The following DNAH17 variants were observed in gnomAD, a reference collection of about 807,000 sequenced individuals.
DNAH17 encodes the protein axonemal beta dynein heavy chain 17.
Under a neutral mutation model 485.6 loss-of-function variants are expected in DNAH17, and 376 were observed. The ratio of observed to expected loss-of-function variants is 0.77; its 90% CI spans 0.71 to 0.84. The LOEUF is 0.84. Among genes scored for constraint, DNAH17 ranks in the 40% least tolerant of loss-of-function variants. The probability of loss-of-function intolerance (pLI) is 0.00; values close to 1 mark genes in which losing one functional copy is unlikely to be tolerated. For missense variants in DNAH17, 6,370 were observed against 5,839.3 expected (o/e 1.09, Z -2.96); for synonymous variants, 3,031 against 2,405.9 (o/e 1.26, Z -7.60).
chr17:78,530,961 G>A lies in DNAH17; in HGVS notation c.3115-449C>T, dbSNP rs146748706. On this transcript the variant is annotated intron_variant, in intron 20 of 80. Transcript: ENST00000389840. ...GGGCCCTCTTTCTCACTGTGCATTG[G>A]GAACAGAGCTAGAGGTTTGTGCGTT... is the stretch of plus-strand genomic sequence containing the variant. Among the ~76,000 whole-genome samples the A allele has an allele frequency of 7.2e-5, 11 of 152,308 alleles. No individual in the cohort carries two copies. In the East Asian group the frequency reaches 2.1e-3, roughly 29 times the overall value.
At chr17:78,528,005 C>A (rs528672458) in intron 22 of DNAH17, among the ~76,000 whole-genome samples, 2 of 152,066 alleles carry the variant, frequency 1.3e-5, no homozygotes, top group African/African-American at 4.8e-5. Context: ...TCTTGAACTC[C>A]TTGGCTCAAG....
chr17:78,431,453 C>CCACCCCGAGACT (rs2086669603), intron 75 of DNAH17, among the ~76,000 whole-genome samples: 4 of 151,358 alleles, frequency 2.6e-5, no homozygotes. Flanking sequence ...AGGGAACCCC[C>CCACCCCGAGACT]CACCCCGAGA....
chr17:78,532,225 A>G (rs1598656132), intron 20 of DNAH17, among the ~76,000 whole-genome samples: 1 of 151,790 alleles, frequency 6.6e-6, no homozygotes, highest in East Asian at 1.9e-4. Flanking sequence ...TTTTCCCCAC[A>G]TTTTCCCCAG....
rs531484404 is a variant in DNAH17 at position 78,536,161 on chromosome 17, C to T, written c.2859+1138G>A. On this transcript the variant is annotated intron_variant, in intron 19 of 80. Coordinates refer to ENST00000389840, the MANE Select transcript of DNAH17 (RefSeq NM_173628.4). ...AGTGTTTACATTACAGGACTGAGGCCGGGCACGGTGGCTCACACCTGTAAT... is the reference window on the plus strand; with the variant it reads ...AGTGTTTACATTACAGGACTGAGGCTGGGCACGGTGGCTCACACCTGTAAT... Among the ~76,000 whole-genome samples the T allele has an allele frequency of 2.9e-4, 44 of 152,108 alleles. No homozygotes were observed. The East Asian group carries it at 8.3e-3, about 29-fold the overall frequency.
rs375072159 is a variant in DNAH17, at chr17:78,479,558, C to T, written c.7827G>A (p.Thr2609=). 2.9e-4 allele frequency: 470 copies of T among 1,613,620 alleles called. No individual in the cohort carries two copies. The highest frequency in any genetic ancestry group is 3.5e-4 in the Non-Finnish European group (413 of 1,179,856). Residue 2609 remains threonine (T), a synonymous_variant, in exon 50 of 81, where the codon ACG becomes ACA. Coordinates refer to ENST00000389840, the MANE Select transcript of DNAH17 (RefSeq NM_173628.4). ...ALTTIYNTIL[T]QHLAFRSVSM... is the part of the protein sequence containing the mutation. ...AGACCGAGCGGAAGGCCAGGTGCTGCGTCAGGATTGTGTTGTAGATGGTGG... is the reference window on the plus strand; with the variant it reads ...AGACCGAGCGGAAGGCCAGGTGCTGTGTCAGGATTGTGTTGTAGATGGTGG...
intron 54 of DNAH17, among the ~76,000 whole-genome samples, chr17:78,469,912 C>T (rs183619056): frequency 2.2e-4 from 33 of 151,608 alleles, no homozygotes; most frequent in Admixed American, 1.4e-3. Context: ...TTGCCAGGGG[C>T]GGGGCTGGGG....
intron 55 of DNAH17, among the ~76,000 whole-genome samples, chr17:78,468,034 GAGA>G (rs1273223643): frequency 3.1e-5 from 1 of 32,710 alleles, no homozygotes; most frequent in Non-Finnish European, 9.3e-5. Context: ...AAAAAAAAAA[GAGA>G]GAGAGAGAGA....
rs2091029669 is a variant in DNAH17, at chr17:78,525,058, C to A, written c.3815G>T (p.Cys1272Phe). Residue 1272 changes from cysteine to phenylalanine, a missense_variant, in exon 25 of 81, where the codon TGC becomes TTC. Transcript: ENST00000389840. ...CTTCAGTAGGCGGACCTCCCGGTGG[C>A]AGGCCTTGAGCTGCTTGTAGTCTGG... ...PVPDYKQLKA[C>F]HREVRLLKEL... 6.2e-7 allele frequency: 1 copy of A among 1,613,818 alleles called. No individual in the cohort carries two copies. The highest frequency in any genetic ancestry group is 2.2e-5 in the East Asian group (1 of 44,886).
chr17:78,569,223 A>C lies in DNAH17; in HGVS notation c.1227T>G (p.Pro409=). ...KDKEPVPWEF[P]SSLAFSRINS... ...TTATCCTGGAAAAGGCAAGAGAAGA[A>C]GGGAATTCCCAAGGCACGGGCTCTT... The change falls in exon 9 of 81, where the codon CCT becomes CCG. Residue 409 remains proline (P), a synonymous_variant. Transcript: ENST00000389840. 1 of 1,609,432 alleles carries C rather than the reference A, an allele frequency of 6.2e-7. No homozygotes were observed. Among genetic ancestry groups the C allele is most frequent in the Non-Finnish European group, 8.5e-7 (1 of 1,177,884 alleles).
Position 78,525,178 on chromosome 17 carries a change from G to A in DNAH17, c.3712-17C>T, listed in dbSNP as rs545700032. 8 of 1,609,396 alleles carry A rather than the reference G, an allele frequency of 5.0e-6. No individual in the cohort carries two copies. The highest frequency in any genetic ancestry group is 6.8e-6 in the Non-Finnish European group (8 of 1,178,284). On this transcript the variant is annotated splice_polypyrimidine_tract_variant and intron_variant, in intron 24 of 80. Coordinates refer to ENST00000389840, the MANE Select transcript of DNAH17 (RefSeq NM_173628.4). ...CTTTTGTTGCTAGGGGCGGCGAGGG[G>A]GCCGTCAGTAGGGCTACCTACCCTC... is the stretch of plus-strand genomic sequence containing the variant.
intron 25 of DNAH17, 25 bp from the exon 26 acceptor site, chr17:78,515,047 C>T: frequency 1.2e-6 from 2 of 1,611,442 alleles, no homozygotes; most frequent in Non-Finnish European, 1.7e-6. Context: ...TCCCGTTTCT[C>T]CTTCCACTCT....
chr17:78,518,518 A>G (rs1381524962), intron 25 of DNAH17, among the ~76,000 whole-genome samples: 1 of 152,222 alleles, frequency 6.6e-6, no homozygotes, highest in Non-Finnish European at 1.5e-5. Flanking sequence ...ATGGAGCTGA[A>G]AGGAGAAATA....
intron 54 of DNAH17, among the ~76,000 whole-genome samples, chr17:78,474,687 C>G (rs114960911): frequency 2.0e-5 from 3 of 146,762 alleles, no homozygotes; most frequent in Non-Finnish European, 3.0e-5. Flanking sequence ...CTCAGTCACA[C>G]GGACACGCAC....
intron 65 of DNAH17, among the ~76,000 whole-genome samples, chr17:78,452,185 C>T (rs1236914976): frequency 6.7e-6 from 1 of 149,660 alleles, no homozygotes; most frequent in Non-Finnish European, 1.5e-5. Context: ...TCTAGGACCT[C>T]TGCATATTGA....
intron 2 of DNAH17, among the ~76,000 whole-genome samples, chr17:78,573,462 G>C (rs904672234): frequency 1.3e-5 from 2 of 152,024 alleles, no homozygotes; most frequent in Non-Finnish European, 2.9e-5. Context: ...AGCCAGGCAT[G>C]GTGGCACCTG....
intron 18 of DNAH17, among the ~76,000 whole-genome samples, chr17:78,539,323 C>T (rs539986790): frequency 6.6e-6 from 1 of 152,322 alleles, no homozygotes; most frequent in South Asian, 2.1e-4. Context: ...CCAGCACAAC[C>T]TCTTTGCTGA....
At chr17:78,527,079 A>G (rs1363640869) in intron 22 of DNAH17, 83 bp from the exon 23 acceptor site, 3 of 1,243,448 alleles carry the variant, frequency 2.4e-6, no homozygotes, top group African/African-American at 3.0e-5. Context: ...GAGACTGGTA[A>G]GAAGCTGCAA....
intron 20 of DNAH17, 113 bp from the exon 21 acceptor site, chr17:78,530,625 G>T: frequency 3.9e-6 from 5 of 1,286,908 alleles, no homozygotes; most frequent in Admixed American, 2.3e-5. Context: ...CTCACCTGCC[G>T]GCCACTCTGG....
At chr17:78,499,974 C>T (rs2090215531) in intron 36 of DNAH17, 1 of 248,560 alleles carries the variant, frequency 4.0e-6, no homozygotes, top group African/African-American at 2.3e-5. Context: ...TGTACCCCAC[C>T]CCATGCTGAA....
Sources: allele counts gnomAD v4.1 joint callset (sites outside exome capture counted in the v4.1 genomes callset), GRCh38; gene constraint gnomAD v4.1.1; transcripts MANE v1.5; gene names NCBI Gene and HGNC (gene_info 2026-07-23, HGNC 2026-07-21).